The following ULK4 variants were observed in gnomAD, a reference collection of about 807,000 sequenced individuals.
The protein encoded by ULK4 is inactive serine/threonine-protein kinase ULK4.
ULK4 carries 133 observed loss-of-function variants against 160.6 expected under a neutral mutation model. The observed-to-expected ratio is 0.83, with a 90% confidence interval of 0.72 to 0.96. The LOEUF is 0.96. Among genes scored for constraint, ULK4 ranks in the 40% least tolerant of loss-of-function variants. The pLI is 0.00. For synonymous variants in ULK4, 534 were observed against 539.8 expected (o/e 0.99, Z 0.15); for missense variants, 1,580 against 1,499.5 (o/e 1.05, Z -0.89).
chr3:41,431,547 C>CATTTTTTTTTTTTTTTTTT lies in ULK4; in HGVS notation c.3492+23949_3492+23950insAAAAAAAAAAAAAAAAAAT, dbSNP rs563543377. ...CCTGTGAGGTGTTGTAATTCCCTCC[C>CATTTTTTTTTTTTTTTTTT]TTTTTTTTTTTTTTTGATGTGGAAA... On this transcript the variant is annotated intron_variant, in intron 34 of 36. Transcript: ENST00000301831. 1.2e-3 allele frequency among the ~76,000 whole-genome samples: 115 copies of CATTTTTTTTTTTTTTTTTT among 95,860 alleles called. 9 individuals are homozygous for CATTTTTTTTTTTTTTTTTT. The highest frequency in any genetic ancestry group is 4.6e-3 in the African/African-American group (110 of 23,680). The allele number at this position is 95,860 out of a possible 152,430, so 62.9% of individuals were successfully genotyped here.
At position 41,912,710 on chromosome 3, in the gene ULK4, C is replaced by T. The variant is rs1698831403; in HGVS notation, c.896+97G>A. The T allele has an allele frequency of 8.5e-6, 9 of 1,057,908 alleles. No homozygotes were observed. The East Asian group carries it at 2.0e-4, about 23-fold the overall frequency. The allele number at this position is 1,057,908 out of a possible 1,614,324, so 65.5% of individuals were successfully genotyped here. A position where few individuals can be genotyped will look rare whatever the true frequency, so the allele number is the denominator to read the frequency against. On this transcript the variant is annotated intron_variant, in intron 9 of 36. Transcript: ENST00000301831. ...GCTGGATTTTCTCCTACTACGAAAG[C>T]AGAGAAATTCCAGTCATTGATGTTG... is the stretch of plus-strand genomic sequence containing the variant.
At chr3:41,613,056 C>A (rs1301240788) in intron 31 of ULK4, among the ~76,000 whole-genome samples, 1 of 152,178 alleles carries the variant, frequency 6.6e-6, no homozygotes, top group African/African-American at 2.4e-5. Context: ...GCATAAGTAG[C>A]AGCCGAGCAT....
At chr3:41,608,417 A>T (rs954668961) in intron 31 of ULK4, among the ~76,000 whole-genome samples, 1 of 152,218 alleles carries the variant, frequency 6.6e-6, no homozygotes, top group Non-Finnish European at 1.5e-5. Flanking sequence ...GGGTAATCTC[A>T]GTTGTTTCTG....
intron 32 of ULK4, among the ~76,000 whole-genome samples, chr3:41,553,785 G>T (rs2087173861): frequency 8.7e-6 from 1 of 115,256 alleles, no homozygotes. Context: ...CAGAGTAAAT[G>T]GGGCATCCAT....
chr3:41,554,459 G>T (rs891766186), intron 32 of ULK4, among the ~76,000 whole-genome samples: 3 of 152,154 alleles, frequency 2.0e-5, no homozygotes, highest in Non-Finnish European at 1.5e-5. Flanking sequence ...GGCACAGAAA[G>T]ACAAGTATCA....
Position 41,425,266 on chromosome 3 carries a change from CA to C in ULK4, c.3493-27003del, listed in dbSNP as rs909771663. 4.6e-5 allele frequency among the ~76,000 whole-genome samples: 7 copies of C among 151,418 alleles called. No individual in the cohort carries two copies. In the East Asian group the frequency reaches 1.4e-3, roughly 29 times the overall value. On this transcript the variant is annotated intron_variant, in intron 34 of 36. Transcript: ENST00000301831. ...TTAGAGAAAAAATAATAAAAAGAAA[CA>C]AAAAAAACCTCTGAGAACTATGGAA...
At chr3:41,790,436 T>C (rs1406682187) in intron 20 of ULK4, among the ~76,000 whole-genome samples, 2 of 152,204 alleles carry the variant, frequency 1.3e-5, no homozygotes, top group African/African-American at 4.8e-5. Flanking sequence ...TCTCAGACTA[T>C]TAGACATGAA....
At chr3:41,349,264 A>G (rs2080864699) in intron 35 of ULK4, among the ~76,000 whole-genome samples, 5 of 152,214 alleles carry the variant, frequency 3.3e-5, no homozygotes, top group Admixed American at 2.0e-4. Context: ...CATATCTCAT[A>G]TAACTCCTGG....
At chr3:41,817,045 T>G (rs905685720) in intron 19 of ULK4, among the ~76,000 whole-genome samples, 8 of 151,200 alleles carry the variant, frequency 5.3e-5, no homozygotes, top group African/African-American at 1.7e-4. Flanking sequence ...AGACACACTT[T>G]CACTCAGTGA....
rs59899678 is a variant in ULK4 at position 41,773,267 on chromosome 3, G to C, written c.2193+16394C>G. ...AATAAAGGGCATTCAATTAGGAAAA[G>C]AGGAAGTCAAATTGTCCCTGTTTGC... On this transcript the variant is annotated intron_variant, in intron 21 of 36. Coordinates refer to ENST00000301831, the MANE Select transcript of ULK4 (RefSeq NM_017886.4). 2.0e-3 allele frequency among the ~76,000 whole-genome samples: 301 copies of C among 152,284 alleles called. 4 individuals carry two copies. In the East Asian group the frequency reaches 0.047, roughly 24 times the overall value.
intron 6 of ULK4, among the ~76,000 whole-genome samples, 190 bp downstream of exon 6, chr3:41,919,527 A>G (rs1293937146): frequency 6.6e-6 from 1 of 152,206 alleles, no homozygotes; most frequent in Admixed American, 6.5e-5. Flanking sequence ...GCTTGAACCC[A>G]GGAGGCAGAG....
intron 32 of ULK4, among the ~76,000 whole-genome samples, chr3:41,503,474 T>C (rs2085278492): frequency 6.6e-6 from 1 of 152,194 alleles, no homozygotes; most frequent in Non-Finnish European, 1.5e-5. Context: ...ATATCATTTA[T>C]ACAAATAAGC....
At chr3:41,930,045 A>G (rs1290725126) in intron 5 of ULK4, among the ~76,000 whole-genome samples, 4 of 152,178 alleles carry the variant, frequency 2.6e-5, no homozygotes, top group Non-Finnish European at 5.9e-5. Flanking sequence ...TCCTAAGCAA[A>G]AAGAACAAAG....
chr3:41,496,343 T>G lies in ULK4; in HGVS notation c.3227-33090A>C, dbSNP rs140994888. Among the ~76,000 whole-genome samples the G allele has an allele frequency of 9.3e-4, 142 of 152,144 alleles. 1 individual carries two copies. In the East Asian group the frequency reaches 0.023, roughly 24 times the overall value. ...ATAAACATTAAGCCTAGACAAAATATATCAGGCAACTGTTTTTCAAATGTC... is the reference window on the plus strand; with the variant it reads ...ATAAACATTAAGCCTAGACAAAATAGATCAGGCAACTGTTTTTCAAATGTC... On this transcript the variant is annotated intron_variant, in intron 32 of 36. Coordinates refer to ENST00000301831, the MANE Select transcript of ULK4 (RefSeq NM_017886.4).
intron 30 of ULK4, among the ~76,000 whole-genome samples, chr3:41,622,100 G>A (rs2033270160): frequency 6.6e-6 from 1 of 152,150 alleles, no homozygotes; most frequent in Non-Finnish European, 1.5e-5. Flanking sequence ...TTATTAAAAA[G>A]TCAGGAAACA....
intron 32 of ULK4, among the ~76,000 whole-genome samples, chr3:41,545,249 G>A (rs2086820367): frequency 6.6e-6 from 1 of 152,126 alleles, no homozygotes; most frequent in South Asian, 2.1e-4. Flanking sequence ...ATTTCTTACG[G>A]CAAATTCGAG....
Position 41,800,171 on chromosome 3 carries a change from T to A in ULK4, c.1971A>T (p.Arg657Ser). ...TCCTAAGAGAATCAGCAGTGGAGTG[T>A]CTGAATAGGTACCACAAAATGGGTC... ...EIGPILWYLFRHSTADSLRIT... is the reference protein window; with the variant it reads ...EIGPILWYLFSHSTADSLRIT... Residue 657 changes from arginine to serine, a missense_variant, in exon 20 of 37, where the codon AGA becomes AGT. By Grantham distance (110) the Arg-to-Ser change is moderately radical (BLOSUM62 -1). Transcript: ENST00000301831. 1 of 1,613,652 alleles carries A rather than the reference T, an allele frequency of 6.2e-7. No homozygotes were observed. Among genetic ancestry groups the A allele is most frequent in the Non-Finnish European group, 8.5e-7 (1 of 1,179,866 alleles).
chr3:41,524,010 G>A (rs918805399), intron 32 of ULK4, among the ~76,000 whole-genome samples: 2 of 152,154 alleles, frequency 1.3e-5, no homozygotes, highest in African/African-American at 4.8e-5. Flanking sequence ...TATGCAAACT[G>A]AAAGAAGCTA....
chr3:41,415,320 T>C (rs999326312), intron 34 of ULK4, among the ~76,000 whole-genome samples: 3 of 152,178 alleles, frequency 2.0e-5, no homozygotes, highest in African/African-American at 7.2e-5. Flanking sequence ...AGGTGGATTC[T>C]GTCACCACTG....
Sources: gnomAD v4.1 joint callset for allele counts (sites outside exome capture counted in the v4.1 genomes callset) on GRCh38, gnomAD v4.1.1 for gene constraint, MANE v1.5 for transcripts, NCBI Gene and HGNC (gene_info 2026-07-23, HGNC 2026-07-21) for gene names.